HOMER2: variants seen among roughly 807,000 people sequenced by gnomAD.
HOMER2 encodes the protein homer protein homolog 2.
HOMER2 carries 27 observed loss-of-function variants against 47.0 expected under a neutral mutation model. The ratio of observed to expected loss-of-function variants is 0.57; its 90% confidence interval spans 0.42 to 0.79. HOMER2 has a LOEUF of 0.79. Among genes scored for constraint, HOMER2 ranks in the 30% least tolerant of loss-of-function variants. The pLI, the probability that HOMER2 is intolerant of heterozygous loss-of-function variation, is 0.00. For synonymous variants in HOMER2, 161 were observed against 163.8 expected (o/e 0.98, Z 0.13); for missense variants, 443 against 435.0 (o/e 1.02, Z -0.16).
At chr15:82,932,934 C>G (rs1290946881) in intron 1 of HOMER2, among the ~76,000 whole-genome samples, 1 of 152,054 alleles carries the variant, frequency 6.6e-6, no homozygotes, top group Non-Finnish European at 1.5e-5. Flanking sequence ...CGATCTGAAC[C>G]CCACTGGGTG....
chr15:82,923,889 T>C (rs937559860), intron 1 of HOMER2, among the ~76,000 whole-genome samples: 3 of 152,176 alleles, frequency 2.0e-5, no homozygotes, highest in Non-Finnish European at 1.5e-5. Flanking sequence ...AAAGAGGCTG[T>C]AAAGCACAGC....
chr15:82,956,557 G>C (rs1049623977), upstream of HOMER2, among the ~76,000 whole-genome samples: 2 of 152,174 alleles, frequency 1.3e-5, no homozygotes, highest in African/African-American at 2.4e-5. Flanking sequence ...GGAGAAGAGG[G>C]GATAAGAAGG....
chr15:82,961,389 T>C (rs1028826375), intron 1 of HOMER2, among the ~76,000 whole-genome samples: 2 of 152,258 alleles, frequency 1.3e-5, no homozygotes, highest in African/African-American at 4.8e-5. Flanking sequence ...TTTAGAAATT[T>C]GCTTTCAATT....
chr15:82,881,638 T>C (rs1567032229), intron 2 of HOMER2, among the ~76,000 whole-genome samples: 2 of 152,172 alleles, frequency 1.3e-5, no homozygotes, highest in Non-Finnish European at 2.9e-5. Flanking sequence ...AAGGAGTGAA[T>C]TCTAATGAGG....
chr15:82,897,061 A>ATTTT (rs1489192383), intron 1 of HOMER2, among the ~76,000 whole-genome samples: 1,292 of 45,916 alleles, frequency 0.028, 32 homozygotes, highest in African/African-American at 0.072. Flanking sequence ...ATTTGATGTC[A>ATTTT]TTTCTTTTTT....
chr15:82,870,257 T>G (rs1457481220), intron 3 of HOMER2, among the ~76,000 whole-genome samples: 1 of 152,152 alleles, frequency 6.6e-6, no homozygotes, highest in Non-Finnish European at 1.5e-5. Context: ...TGAAAGCTAG[T>G]CTAAGCCAAT....
At position 82,871,052 on chromosome 15, in the gene HOMER2, G is replaced by C. The variant is rs553581640; in HGVS notation, c.294+4221C>G. Among the ~76,000 whole-genome samples the C allele has an allele frequency of 1.3e-4, 20 of 152,324 alleles. 2 individuals carry two copies. In the South Asian group the frequency reaches 3.1e-3, roughly 24 times the overall value. The stretch of plus-strand genomic sequence containing the variant: ...TAAGCTCTTCCTTTTATCAGCACAT[G>C]CAAGTGCCTTTTCAATTTCCTTCAG... On this transcript the variant is annotated intron_variant, in intron 3 of 8. Coordinates refer to ENST00000450735, the MANE Select transcript of HOMER2 (RefSeq NM_004839.4).
exon 2 of HOMER2, chr15:82,839,056 C>T (rs1319161854): frequency 2.0e-5 from 3 of 151,518 alleles, no homozygotes; most frequent in Admixed American, 1.3e-4. Context: ...GCCCAGGAGT[C>T]AGGACCAGCC....
At chr15:82,857,844 A>G (rs2051640099) in intron 5 of HOMER2, among the ~76,000 whole-genome samples, 1 of 152,180 alleles carries the variant, frequency 6.6e-6, no homozygotes, top group Non-Finnish European at 1.5e-5. Flanking sequence ...GAGTGTGCTC[A>G]TGGGACCGCC....
chr15:82,880,677 T>A (rs2052493718), intron 2 of HOMER2, among the ~76,000 whole-genome samples: 1 of 152,130 alleles, frequency 6.6e-6, no homozygotes, highest in Admixed American at 6.5e-5. Flanking sequence ...GAAGATTGTG[T>A]TAGGGACCGA....
intron 1 of HOMER2, among the ~76,000 whole-genome samples, chr15:82,974,226 G>C (rs1000737797): frequency 6.6e-6 from 1 of 151,584 alleles, no homozygotes; most frequent in Non-Finnish European, 1.5e-5. Flanking sequence ...CCAACATGGA[G>C]AAAACCCATC....
chr15:82,918,113 G>A (rs932659462), intron 1 of HOMER2, among the ~76,000 whole-genome samples: 1 of 152,100 alleles, frequency 6.6e-6, no homozygotes, highest in Non-Finnish European at 1.5e-5. Flanking sequence ...TGCCCGAGCC[G>A]CATTACACAC....
intron 1 of HOMER2, among the ~76,000 whole-genome samples, chr15:82,947,556 T>G (rs937147436): frequency 6.6e-6 from 1 of 152,166 alleles, no homozygotes; most frequent in Non-Finnish European, 1.5e-5. Context: ...AGTAAAAAGG[T>G]AATTTACAAC....
At chr15:82,866,305 T>G (rs1337598128) in intron 3 of HOMER2, among the ~76,000 whole-genome samples, 1 of 152,238 alleles carries the variant, frequency 6.6e-6, no homozygotes, top group Admixed American at 6.5e-5. Context: ...GTAGCCCCTT[T>G]GTTTTGGTCA....
chr15:82,955,812 T>C (rs375775045), upstream of HOMER2, among the ~76,000 whole-genome samples: 3 of 152,236 alleles, frequency 2.0e-5, no homozygotes, highest in South Asian at 6.2e-4. Context: ...CCTTCTGTCA[T>C]AGGACTATAA....
At chr15:82,918,101 A>G (rs772427350) in intron 1 of HOMER2, among the ~76,000 whole-genome samples, 2 of 152,122 alleles carry the variant, frequency 1.3e-5, no homozygotes, top group African/African-American at 4.8e-5. Context: ...AGCAGGCAGC[A>G]TTGCCCGAGC....
intron 1 of HOMER2, among the ~76,000 whole-genome samples, chr15:82,897,277 G>A (rs191451446): frequency 1.3e-5 from 2 of 151,924 alleles, no homozygotes; most frequent in Admixed American, 6.6e-5. Context: ...TCTTGGCCAG[G>A]CTGGTCTTGA....
chr15:82,972,247 C>T (rs963614604), intron 1 of HOMER2, among the ~76,000 whole-genome samples: 3 of 152,164 alleles, frequency 2.0e-5, no homozygotes, highest in Non-Finnish European at 4.4e-5. Context: ...ATGTCTCTAT[C>T]AGAGCTTCTT....
intron 1 of HOMER2, among the ~76,000 whole-genome samples, chr15:82,932,419 T>C (rs1408437438): frequency 6.6e-6 from 1 of 150,714 alleles, no homozygotes; most frequent in Non-Finnish European, 1.5e-5. Flanking sequence ...CGCTTGAACC[T>C]GGGAGCTGGA....
Sources: allele counts gnomAD v4.1 joint callset (sites outside exome capture counted in the v4.1 genomes callset), GRCh38; gene constraint gnomAD v4.1.1; transcripts MANE v1.5; gene names NCBI Gene and HGNC (gene_info 2026-07-23, HGNC 2026-07-21).